Variants in RYR3 observed in about 807,000 individuals in gnomAD.
RYR3 encodes the protein ryanodine receptor 3, also known as brain ryanodine receptor-calcium release channel.
RYR3 carries 207 observed loss-of-function variants against 584.3 expected under a neutral mutation model. The ratio of observed to expected loss-of-function variants is 0.35; its 90% CI spans 0.32 to 0.40. The LOEUF is 0.40. RYR3 is among the 10% of genes least tolerant of loss of function. The pLI is 1.00. For missense variants in RYR3, 5,616 were observed against 6,089.2 expected, an observed-to-expected ratio of 0.92 and a Z score of 2.59; for synonymous variants, 2,416 against 2,248.5, an observed-to-expected ratio of 1.07 and a Z score of -2.11.
intron 1 of RYR3, among the ~76,000 whole-genome samples, chr15:33,455,179 T>C (rs951951400): frequency 2.0e-5 from 3 of 152,152 alleles, no homozygotes; most frequent in Non-Finnish European, 4.4e-5. Flanking sequence ...GGGTGAATGA[T>C]GACACCTGTC....
intron 47 of RYR3, 48 bp downstream of exon 47, chr15:33,729,074 T>C (rs760562739): frequency 6.5e-7 from 1 of 1,544,272 alleles, no homozygotes; most frequent in Non-Finnish European, 8.9e-7. Context: ...CATTGTGAAA[T>C]TAGTAATGTT....
intron 52 of RYR3, among the ~76,000 whole-genome samples, chr15:33,743,678 C>T (rs1431616287): frequency 1.3e-5 from 2 of 152,180 alleles, no homozygotes; most frequent in African/African-American, 4.8e-5. Context: ...TGGATTTGAA[C>T]TCCCGAGTCT....
chr15:33,739,823 C>T lies in RYR3; in HGVS notation c.7657-9C>T, dbSNP rs753123133. 9.9e-6 allele frequency: 16 copies of T among 1,610,420 alleles called. No homozygotes were observed. The highest frequency in any genetic ancestry group is 1.3e-5 in the Non-Finnish European group (15 of 1,177,782). ...TCTCTACTAATGTGGCCTTGTTTTT[C>T]CCTCACAGAAATATGACCCAGATCT... is the stretch of plus-strand genomic sequence containing the variant. On this transcript the variant is annotated splice_polypyrimidine_tract_variant and intron_variant, in intron 50 of 103. Transcript: ENST00000634891.
chr15:33,738,504 T>G lies in RYR3; in HGVS notation c.7570T>G (p.Trp2524Gly), dbSNP rs750760036. Residue 2524 changes from tryptophan to glycine, a missense_variant, in exon 50 of 104, where the codon TGG (tryptophan) becomes GGG (glycine). Physicochemically the swap from Trp to Gly is radical, Grantham distance 184 (BLOSUM62 -2). This residue lies in a region of RYR3 where 1,280 missense variants were observed against 1,426.2 expected (regional missense o/e 0.90). Transcript: ENST00000634891. Reference sequence around the variant, plus strand: ...GAAGTATTACTGCCTGCCTTCAGGATGGGGGAGCTACGGGCTAGCTGTGGA... The same window carrying G: ...GAAGTATTACTGCCTGCCTTCAGGAGGGGGGAGCTACGGGCTAGCTGTGGA... ...CWKYYCLPSG[W>G]GSYGLAVEEE... 1 of 1,613,916 alleles carries G rather than the reference T, an allele frequency of 6.2e-7. No individual in the cohort carries two copies. The highest frequency in any genetic ancestry group is 8.5e-7 in the Non-Finnish European group (1 of 1,179,846).
intron 1 of RYR3, among the ~76,000 whole-genome samples, chr15:33,375,661 T>C (rs1415183401): frequency 6.6e-6 from 1 of 152,218 alleles, no homozygotes; most frequent in Admixed American, 6.5e-5. Flanking sequence ...AAACATTATT[T>C]CTTATTGAAG....
chr15:33,695,903 A>G (rs908895342), intron 38 of RYR3, among the ~76,000 whole-genome samples: 1 of 139,958 alleles, frequency 7.1e-6, no homozygotes, highest in East Asian at 2.3e-4. Flanking sequence ...CTCCCACCTC[A>G]GCCTCCCAAG....
At chr15:33,457,244 T>A (rs1041252458) in intron 1 of RYR3, among the ~76,000 whole-genome samples, 2 of 152,150 alleles carry the variant, frequency 1.3e-5, no homozygotes, top group African/African-American at 2.4e-5. Flanking sequence ...TGTGTTATTG[T>A]GGGGAGAGAG....
At chr15:33,379,666 CCTCTCT>C (rs72425368) in intron 1 of RYR3, among the ~76,000 whole-genome samples, 1 of 129,336 alleles carries the variant, frequency 7.7e-6, no homozygotes, top group African/African-American at 3.4e-5. Context: ...TGTGTGTGTC[CCTCTCT>C]CTCTCTCTCT....
In RYR3 at chr15:33,323,153, C is replaced by T. The variant is rs550277237; in HGVS notation, c.51+12057C>T. Among the ~76,000 whole-genome samples, 14 of 152,018 alleles carry T rather than the reference C, an allele frequency of 9.2e-5. No homozygotes were observed. In the South Asian group the frequency reaches 2.7e-3, roughly 29 times the overall value. On this transcript the variant is annotated intron_variant, in intron 1 of 103. Transcript: ENST00000634891. ...TTGAGACAGAGTCTCACTCTGTCTCCCAGGCTGGAGTGCAGTGGCACGATC... is the reference window on the plus strand; with the variant it reads ...TTGAGACAGAGTCTCACTCTGTCTCTCAGGCTGGAGTGCAGTGGCACGATC...
At chr15:33,593,174 G>T (rs2059215583) in intron 16 of RYR3, among the ~76,000 whole-genome samples, 1 of 152,206 alleles carries the variant, frequency 6.6e-6, no homozygotes, top group African/African-American at 2.4e-5. Context: ...TAGAATGGGA[G>T]GCAGGTTTGC....
intron 1 of RYR3, among the ~76,000 whole-genome samples, chr15:33,468,444 A>G (rs906955895): frequency 2.0e-5 from 3 of 152,204 alleles, no homozygotes; most frequent in African/African-American, 4.8e-5. Context: ...ATTAAGAAAT[A>G]GAAGCTATGG....
In RYR3 at chr15:33,504,595, A is replaced by G. The variant is rs527797868; in HGVS notation, c.279+857A>G. Among the ~76,000 whole-genome samples the G allele has an allele frequency of 3.3e-5, 5 of 152,258 alleles. No individual in the cohort carries two copies. In the South Asian group the frequency reaches 1.0e-3, roughly 32 times the overall value. On this transcript the variant is annotated intron_variant, in intron 3 of 103. Transcript: ENST00000634891. ...CTCAGCAGTTCTTTCCAAAATGCAAATACAATTATTACAGTTGCCTGTTTT... is the reference window on the plus strand; with the variant it reads ...CTCAGCAGTTCTTTCCAAAATGCAAGTACAATTATTACAGTTGCCTGTTTT...
At chr15:33,563,036 A>G (rs144431181) in intron 11 of RYR3, 26 bp downstream of exon 11, 13 of 1,586,286 alleles carry the variant, frequency 8.2e-6, no homozygotes, top group African/African-American at 8.1e-5. Flanking sequence ...TCTGTCTACA[A>G]TTGTTTTACC....
chr15:33,797,562 A>C (rs1326074729), intron 67 of RYR3, among the ~76,000 whole-genome samples: 1 of 152,092 alleles, frequency 6.6e-6, no homozygotes, highest in Non-Finnish European at 1.5e-5. Flanking sequence ...ACCTCACTAG[A>C]GATAAAGAGC....
intron 7 of RYR3, 41 bp downstream of exon 7, chr15:33,540,931 C>A: frequency 7.9e-7 from 1 of 1,262,764 alleles, no homozygotes; most frequent in Non-Finnish European, 1.2e-6. Context: ...GCCTGCCTAT[C>A]TCTCTTGAGC....
In RYR3 at chr15:33,838,845, G is replaced by C; in HGVS notation, c.12865G>C (p.Glu4289Gln). The change falls in exon 89 of 104, where the codon GAG becomes CAG. Residue 4289 changes from glutamate to glutamine, a missense_variant. Coordinates refer to ENST00000634891, the MANE Select transcript of RYR3 (RefSeq NM_001036.6). ...SDLFGLHPKK[E>Q]GSLKHGPEVG... ...CCTCTTTGGACTCCACCCAAAGAAA[G>C]AGGGCAGCTTAAAGCATGGGCCTGA... is the stretch of plus-strand genomic sequence containing the variant. 1.2e-6 allele frequency: 2 copies of C among 1,614,002 alleles called. No individual in the cohort carries two copies. Among genetic ancestry groups the C allele is most frequent in the Non-Finnish European group, 1.7e-6 (2 of 1,179,872 alleles).
At chr15:33,628,951 A>T (rs940130375) in intron 21 of RYR3, among the ~76,000 whole-genome samples, 1 of 152,204 alleles carries the variant, frequency 6.6e-6, no homozygotes, top group African/African-American at 2.4e-5. Flanking sequence ...GGAATCTTTC[A>T]TTAGAAATCA....
chr15:33,707,398 CA>C (rs1259054402), intron 43 of RYR3, among the ~76,000 whole-genome samples: 8 of 152,186 alleles, frequency 5.3e-5, no homozygotes, highest in Non-Finnish European at 1.2e-4. Flanking sequence ...GCTAAATGCA[CA>C]TGTACATCTA....
chr15:33,741,465 T>C (rs2070096533), intron 51 of RYR3, among the ~76,000 whole-genome samples: 3 of 111,972 alleles, frequency 2.7e-5, no homozygotes, highest in African/African-American at 1.1e-4. Context: ...TTGGTGACAG[T>C]TCACATAACA....
Sources: gnomAD v4.1 joint callset for allele counts (sites outside exome capture counted in the v4.1 genomes callset) on GRCh38, gnomAD v4.1.1 for gene constraint, gnomAD v4.1.1 regional missense constraint, MANE v1.5 for transcripts, NCBI Gene and HGNC (gene_info 2026-07-23, HGNC 2026-07-21) for gene names.